MAGI2: variants seen among roughly 807,000 people sequenced by gnomAD.
The protein encoded by MAGI2 is membrane associated guanylate kinase, WW and PDZ domain containing 2, also known as membrane-associated guanylate kinase, WW and PDZ domain-containing protein 2.
Under a neutral mutation model 133.3 loss-of-function variants are expected in MAGI2, and 35 were observed. The ratio of observed to expected loss-of-function variants is 0.26; its 90% CI spans 0.20 to 0.35. The LOEUF (loss-of-function observed/expected upper bound fraction) is 0.35. Among genes scored for constraint, MAGI2 ranks in the 10% least tolerant of loss-of-function variants. The pLI is 1.00. For synonymous variants in MAGI2, 729 were observed against 710.6 expected, an observed-to-expected ratio of 1.03 and a Z score of -0.41; for missense variants, 1,636 against 1,863.4, an observed-to-expected ratio of 0.88 and a Z score of 2.25.
intron 7 of MAGI2, among the ~76,000 whole-genome samples, chr7:78,352,632 G>T (rs1791636481): frequency 6.6e-6 from 1 of 152,106 alleles, no homozygotes; most frequent in Admixed American, 6.5e-5. Context: ...TGTCTATGTT[G>T]GGGATATAGT....
intron 20 of MAGI2, among the ~76,000 whole-genome samples, chr7:78,100,169 T>G (rs570393796): frequency 6.6e-6 from 1 of 152,274 alleles, no homozygotes; most frequent in East Asian, 1.9e-4. Context: ...GTACTTTGCG[T>G]CGCTTCCCAC....
intron 1 of MAGI2, among the ~76,000 whole-genome samples, chr7:79,106,630 A>G (rs1241097730): frequency 6.6e-6 from 1 of 152,226 alleles, no homozygotes; most frequent in East Asian, 1.9e-4. Flanking sequence ...TCCCTGAAAC[A>G]ATTCTAAACT....
At chr7:78,514,800 G>A (rs993639802) in intron 4 of MAGI2, among the ~76,000 whole-genome samples, 5 of 152,182 alleles carry the variant, frequency 3.3e-5, no homozygotes, top group East Asian at 1.9e-4. Flanking sequence ...ACCTGGATGC[G>A]GGTCCCTAAT....
rs553233248 is a variant in MAGI2 at position 78,800,141 on chromosome 7, A to G, written c.419-172902T>C. 3.7e-3 allele frequency among the ~76,000 whole-genome samples: 569 copies of G among 152,296 alleles called. 1 individual carries two copies. Among genetic ancestry groups the G allele is most frequent in the Non-Finnish European group, 6.8e-3 (462 of 68,018 alleles). On this transcript the variant is annotated intron_variant, in intron 2 of 21. Coordinates refer to ENST00000354212, the MANE Select transcript of MAGI2 (RefSeq NM_012301.4). Reference sequence around the variant, plus strand: ...AAACCCACGGACCAGAAGCTTTAATATCCATAGATTCCAATTAAACTCAGT... The same window carrying G: ...AAACCCACGGACCAGAAGCTTTAATGTCCATAGATTCCAATTAAACTCAGT...
chr7:78,757,024 T>C (rs1371981382), intron 2 of MAGI2, among the ~76,000 whole-genome samples: 1 of 152,126 alleles, frequency 6.6e-6, no homozygotes, highest in South Asian at 2.1e-4. Flanking sequence ...TTCCCATTTC[T>C]CCTTAAAGTC....
rs1485142936 is a variant in MAGI2, at chr7:78,569,325, T to C, written c.539-47680A>G. Among the ~76,000 whole-genome samples, 3 of 152,212 alleles carry C rather than the reference T, an allele frequency of 2.0e-5. No individual in the cohort carries two copies. In the East Asian group the frequency reaches 5.8e-4, roughly 29 times the overall value. On this transcript the variant is annotated intron_variant, in intron 3 of 21. Transcript: ENST00000354212. The stretch of plus-strand genomic sequence containing the variant: ...AAACATATTCTGAGGGCATAGTACA[T>C]GGTTAAGGAATAAATGAATGAATAA...
intron 1 of MAGI2, among the ~76,000 whole-genome samples, chr7:79,147,547 C>T (rs1285101548): frequency 2.0e-5 from 3 of 152,198 alleles, no homozygotes; most frequent in Admixed American, 6.5e-5. Flanking sequence ...GTCGGTGCCT[C>T]AAAGACCATC....
chr7:78,110,844 C>G (rs1819288448), intron 20 of MAGI2, among the ~76,000 whole-genome samples: 1 of 152,154 alleles, frequency 6.6e-6, no homozygotes, highest in Non-Finnish European at 1.5e-5. Flanking sequence ...CAGGAGAACA[C>G]TTCTGGGCAC....
At chr7:78,425,754 G>A (rs965508744) in intron 6 of MAGI2, among the ~76,000 whole-genome samples, 1 of 152,180 alleles carries the variant, frequency 6.6e-6, no homozygotes, top group Non-Finnish European at 1.5e-5. Context: ...AAAGGCCACA[G>A]CTTAGAAATA....
intron 3 of MAGI2, among the ~76,000 whole-genome samples, chr7:78,583,725 C>A (rs1304709532): frequency 2.0e-5 from 3 of 152,052 alleles, no homozygotes; most frequent in African/African-American, 7.2e-5. Flanking sequence ...TTGGGGAATA[C>A]TGTAAATGAA....
intron 6 of MAGI2, among the ~76,000 whole-genome samples, chr7:78,401,927 T>C (rs1313433696): frequency 7.3e-6 from 1 of 136,164 alleles, no homozygotes; most frequent in Admixed American, 8.2e-5. Context: ...GGTTAGAAAA[T>C]GGCTTTTTTT....
At chr7:78,895,347 A>G (rs977670054) in intron 2 of MAGI2, among the ~76,000 whole-genome samples, 2 of 152,134 alleles carry the variant, frequency 1.3e-5, no homozygotes, top group East Asian at 3.9e-4. Flanking sequence ...TTTTTTCTTT[A>G]TAAATTACCC....
chr7:78,677,306 T>TTA (rs1260022670), intron 2 of MAGI2, among the ~76,000 whole-genome samples: 1 of 151,188 alleles, frequency 6.6e-6, no homozygotes, highest in East Asian at 1.9e-4. Flanking sequence ...TATAAAAGAT[T>TTA]TATATATATA....
intron 3 of MAGI2, among the ~76,000 whole-genome samples, chr7:78,556,442 T>C (rs1023116150): frequency 6.6e-6 from 1 of 152,194 alleles, no homozygotes; most frequent in Non-Finnish European, 1.5e-5. Context: ...CGTTTACTTA[T>C]GGGAACTGCA....
At chr7:78,659,711 T>C (rs982931670) in intron 2 of MAGI2, among the ~76,000 whole-genome samples, 13 of 152,174 alleles carry the variant, frequency 8.5e-5, no homozygotes, top group African/African-American at 2.9e-4. Context: ...ACATGTTCTG[T>C]ATCTTGACTC....
chr7:78,886,836 T>A (rs1796309942), intron 2 of MAGI2, among the ~76,000 whole-genome samples: 1 of 152,196 alleles, frequency 6.6e-6, no homozygotes, highest in Non-Finnish European at 1.5e-5. Context: ...ATGGTTTGGC[T>A]GTATCCCCAG....
intron 2 of MAGI2, among the ~76,000 whole-genome samples, chr7:78,708,327 C>T (rs887599498): frequency 6.6e-6 from 1 of 152,152 alleles, no homozygotes; most frequent in African/African-American, 2.4e-5. Flanking sequence ...AAGATTTATT[C>T]AACTGATAAG....
chr7:78,533,840 G>A (rs1258038422), intron 3 of MAGI2, among the ~76,000 whole-genome samples: 1 of 152,138 alleles, frequency 6.6e-6, no homozygotes, highest in African/African-American at 2.4e-5. Flanking sequence ...ACTAATAAGA[G>A]TGAGTGAAGG....
At chr7:79,039,092 G>T (rs13229394) in intron 1 of MAGI2, among the ~76,000 whole-genome samples, 41,715 of 151,950 alleles carry the variant, frequency 0.27, 5,818 homozygotes, top group Middle Eastern at 0.37. Flanking sequence ...GAACCATGTG[G>T]GAGGTAATTA....
Sources: gnomAD v4.1 joint callset for allele counts (sites outside exome capture counted in the v4.1 genomes callset) on GRCh38, gnomAD v4.1.1 for gene constraint, MANE v1.5 for transcripts, NCBI Gene and HGNC (gene_info 2026-07-23, HGNC 2026-07-21) for gene names.